Variants in ERICH2 observed in about 807,000 individuals in gnomAD.
ERICH2 encodes the protein glutamate-rich protein 2.
In ERICH2, 17 loss-of-function variants were observed where a neutral mutation model predicts 17.4. That is an observed-to-expected ratio of 0.98 (90% CI 0.67 to 1.47). The LOEUF is 1.47. Ranked by LOEUF, ERICH2 falls within the 40% of genes most tolerant of loss-of-function variation. The pLI, the probability that ERICH2 is intolerant of heterozygous loss-of-function variation, is 0.00. For missense variants in ERICH2, 186 were observed against 183.2 expected (o/e 1.01, Z -0.09); for synonymous variants, 51 against 61.1 (o/e 0.83, Z 0.77).
intron 3 of ERICH2, among the ~76,000 whole-genome samples, chr2:170,797,358 G>T (rs1701450415): frequency 6.6e-6 from 1 of 152,214 alleles, no homozygotes. Flanking sequence ...TAGGCACACA[G>T]TCTTCTCATT....
At chr2:170,781,503 A>G (rs975952301), upstream of ERICH2, among the ~76,000 whole-genome samples, 1 of 151,940 alleles carries the variant, frequency 6.6e-6, no homozygotes, top group Non-Finnish European at 1.5e-5. Context: ...GCATGGTGGC[A>G]GGCGCCTGTA....
At chr2:170,783,200 T>C (rs549321217), upstream of ERICH2, 4 of 152,190 alleles carry the variant, frequency 2.6e-5, no homozygotes, top group Admixed American at 2.6e-4. Flanking sequence ...AAGTTGATTG[T>C]TCATAGCTAC....
chr2:170,781,864 A>G (rs1288087297), upstream of ERICH2, among the ~76,000 whole-genome samples: 1 of 152,222 alleles, frequency 6.6e-6, no homozygotes, highest in East Asian at 1.9e-4. Context: ...GACTCTGCAT[A>G]AGCATAGCAT....
chr2:170,777,835 A>G, the ERICH2 span: 1 of 351,090 alleles, frequency 2.8e-6, no homozygotes, highest in African/African-American at 3.8e-5. Flanking sequence ...AGCAATTGTT[A>G]CTATAGATAG....
At chr2:170,782,840 G>A (rs553118994), upstream of ERICH2, among the ~76,000 whole-genome samples, 4 of 152,226 alleles carry the variant, frequency 2.6e-5, no homozygotes, top group African/African-American at 2.4e-5. Context: ...CAGCACTTTG[G>A]GAGACCAAGG....
intron 3 of ERICH2, among the ~76,000 whole-genome samples, chr2:170,794,810 T>G (rs752747120): frequency 2.0e-4 from 30 of 152,114 alleles, no homozygotes; most frequent in Non-Finnish European, 2.9e-5. Context: ...CTCACAAGAG[T>G]CCCAACTGTG....
chr2:170,774,087 G>A, the ERICH2 span, among the ~76,000 whole-genome samples: 7 of 152,178 alleles, frequency 4.6e-5, no homozygotes, highest in African/African-American at 1.4e-4. Context: ...AAACTGTGCT[G>A]TTCCCATTGC....
At chr2:170,778,477 A>G in the ERICH2 span, among the ~76,000 whole-genome samples, 2 of 152,108 alleles carry the variant, frequency 1.3e-5, no homozygotes, top group African/African-American at 2.4e-5. Flanking sequence ...AAATTTTCAT[A>G]TTGTCAAAAC....
At chr2:170,784,745 A>G (rs762220700) in exon 2 of ERICH2, 34 of 1,546,612 alleles carry the variant, frequency 2.2e-5, no homozygotes, top group Non-Finnish European at 3.0e-5. Context: ...GCAGAGGATG[A>G]TGGTGAAGAT....
the ERICH2 span, chr2:170,770,964 G>A: frequency 1.5e-5 from 2 of 131,506 alleles, no homozygotes; most frequent in Admixed American, 7.7e-5. Flanking sequence ...GTGGTTCCCC[G>A]GGCTGCCCCT....
exon 4 of ERICH2, chr2:170,798,075 G>A (rs1701472612): frequency 2.6e-6 from 4 of 1,549,512 alleles, no homozygotes; most frequent in Non-Finnish European, 3.5e-6. Context: ...CTGAGGCCAA[G>A]GAGTTTTTCA....
chr2:170,796,452 T>TTTTTTTC (rs373654461), intron 3 of ERICH2, among the ~76,000 whole-genome samples: 3 of 138,332 alleles, frequency 2.2e-5, no homozygotes, highest in Non-Finnish European at 3.1e-5. Flanking sequence ...TTTTTTTTTT[T>TTTTTTTC]TGAGACAGCG....
chr2:170,777,635 C>G, the ERICH2 span: 1 of 1,231,672 alleles, frequency 8.1e-7, no homozygotes, highest in Non-Finnish European at 1.0e-6. Flanking sequence ...GTATTTTTTT[C>G]TCTTTCAGAA....
At chr2:170,792,910 A>G in exon 3 of ERICH2, 1 of 1,510,018 alleles carries the variant, frequency 6.6e-7, no homozygotes, top group South Asian at 1.3e-5. Flanking sequence ...CAAAAAAATT[A>G]TGTCAGATGA....
At chr2:170,775,243 C>A in the ERICH2 span, among the ~76,000 whole-genome samples, 3 of 150,522 alleles carry the variant, frequency 2.0e-5, no homozygotes, top group African/African-American at 7.3e-5. Flanking sequence ...GCTTGGGCAA[C>A]AAAGTGAGAC....
chr2:170,775,277 A>T, the ERICH2 span, among the ~76,000 whole-genome samples: 52 of 152,082 alleles, frequency 3.4e-4, no homozygotes, highest in African/African-American at 1.1e-3. Flanking sequence ...AAATAAAAAA[A>T]AAAAAATAGC....
chr2:170,774,505 AC>A, the ERICH2 span, among the ~76,000 whole-genome samples: 1 of 151,492 alleles, frequency 6.6e-6, no homozygotes, highest in African/African-American at 2.4e-5. Flanking sequence ...CTCCAGGCTC[AC>A]CTGGGAAGTG....
the ERICH2 span, among the ~76,000 whole-genome samples, chr2:170,773,499 T>C: frequency 6.6e-6 from 1 of 152,352 alleles, no homozygotes; most frequent in South Asian, 2.1e-4. Flanking sequence ...TCACTATTCC[T>C]CAGTTTGGGC....
At position 170,789,195 on chromosome 2, in the gene ERICH2, C is replaced by A. The variant is rs370016715; in HGVS notation, c.217-3668C>A. Among the ~76,000 whole-genome samples, 7 of 151,478 alleles carry A rather than the reference C, an allele frequency of 4.6e-5. No individual in the cohort carries two copies. In the East Asian group the frequency reaches 7.8e-4, roughly 17 times the overall value. On this transcript the variant is annotated intron_variant, in intron 2 of 4. Coordinates refer to ENST00000409885, the Ensembl canonical transcript of ERICH2. Reference sequence around the variant, plus strand: ...GGCCAGGCTGGTCTCGAACTCCTGGCCTCAGGTGATCCGCCCACCTCGGCC... The same window carrying A: ...GGCCAGGCTGGTCTCGAACTCCTGGACTCAGGTGATCCGCCCACCTCGGCC...
Sources: allele counts gnomAD v4.1 joint callset (sites outside exome capture counted in the v4.1 genomes callset), GRCh38; gene constraint gnomAD v4.1.1; transcripts MANE v1.5; gene names NCBI Gene and HGNC (gene_info 2026-07-23, HGNC 2026-07-21).